Variants in PPP1R14C observed in about 807,000 individuals in gnomAD.
PPP1R14C encodes protein phosphatase 1 regulatory subunit 14C.
Under a neutral mutation model 20.4 loss-of-function variants are expected in PPP1R14C, and 16 were observed. That is an observed-to-expected ratio of 0.78 (90% CI 0.53 to 1.19). The LOEUF (loss-of-function observed/expected upper bound fraction) is 1.19, where lower values mean the gene tolerates loss of function less well. PPP1R14C is among the 50% of genes most tolerant of loss of function. The pLI is 0.00. For synonymous variants in PPP1R14C, 91 were observed against 91.0 expected, an observed-to-expected ratio of 1.00 and a Z score of 0.00; for missense variants, 211 against 220.1, an observed-to-expected ratio of 0.96 and a Z score of 0.26.
Position 150,249,427 on chromosome 6 carries a change from G to T in PPP1R14C, c.*607G>T, listed in dbSNP as rs1778535054. On this transcript the variant is annotated 3_prime_UTR_variant, in exon 4 of 4. Transcript: ENST00000361131. ...GTTCACTTTATGCACCAAAGTGAAA[G>T]AATTCAGTGTATCCGTTATTTTAAT... The T allele has an allele frequency of 7.5e-6, 3 of 398,684 alleles. No homozygotes were observed. Among genetic ancestry groups the T allele is most frequent in the Non-Finnish European group, 1.3e-5 (3 of 226,062 alleles). The allele number at this position is 398,684 out of a possible 1,614,324, so 24.7% of individuals were successfully genotyped here. A position where few individuals can be genotyped will look rare whatever the true frequency, so the allele number is the denominator to read the frequency against.
intron 2 of PPP1R14C, among the ~76,000 whole-genome samples, chr6:150,215,479 A>ATGTCCACTGATAATTAC (rs1300581103): frequency 6.6e-5 from 10 of 152,192 alleles, no homozygotes; most frequent in Admixed American, 5.9e-4. Flanking sequence ...ATTGTTCTTA[A>ATGTCCACTGATAATTAC]TGTCCACTGA....
chr6:150,175,127 A>G (rs1480583538), intron 1 of PPP1R14C, among the ~76,000 whole-genome samples: 1 of 152,218 alleles, frequency 6.6e-6, no homozygotes, highest in Non-Finnish European at 1.5e-5. Flanking sequence ...AGTAGCTCAC[A>G]TAGTGCTTAT....
intron 1 of PPP1R14C, among the ~76,000 whole-genome samples, chr6:150,163,608 T>C (rs577919201): frequency 6.6e-6 from 1 of 152,302 alleles, no homozygotes; most frequent in Non-Finnish European, 1.5e-5. Context: ...TGATTAATTT[T>C]ACCTTCTTAA....
chr6:150,196,952 A>G (rs1777812097), intron 1 of PPP1R14C, among the ~76,000 whole-genome samples: 1 of 152,342 alleles, frequency 6.6e-6, no homozygotes, highest in Middle Eastern at 3.4e-3. Flanking sequence ...ATCAGTGCCA[A>G]TGGCATTTGC....
chr6:150,144,799 T>G (rs920137492), intron 1 of PPP1R14C, among the ~76,000 whole-genome samples: 3 of 152,218 alleles, frequency 2.0e-5, no homozygotes. Flanking sequence ...GTTTCTCCAG[T>G]CCAGCTCTTA....
intron 3 of PPP1R14C, among the ~76,000 whole-genome samples, chr6:150,247,288 T>A (rs1778503769): frequency 6.6e-6 from 1 of 152,228 alleles, no homozygotes; most frequent in Admixed American, 6.5e-5. Flanking sequence ...TGTCACTTAC[T>A]GACTGTCGCT....
intron 1 of PPP1R14C, among the ~76,000 whole-genome samples, chr6:150,192,965 G>T (rs1562265784): frequency 6.6e-6 from 1 of 152,180 alleles, no homozygotes; most frequent in African/African-American, 2.4e-5. Flanking sequence ...TCACACATTT[G>T]GCTGACCTTT....
intron 1 of PPP1R14C, among the ~76,000 whole-genome samples, chr6:150,158,618 A>G (rs551853181): frequency 6.6e-6 from 1 of 152,200 alleles, no homozygotes; most frequent in Non-Finnish European, 1.5e-5. Flanking sequence ...GCTTTTTAGT[A>G]TCATTATGGG....
At position 150,143,350 on chromosome 6, in the gene PPP1R14C, C is replaced by T; in HGVS notation, c.158C>T (p.Ala53Val). 1.9e-6 allele frequency: 3 copies of T among 1,603,754 alleles called. No homozygotes were observed. The highest frequency in any genetic ancestry group is 1.7e-6 in the Non-Finnish European group (2 of 1,176,566). ...GAGGACTCGGCGCCCGTGGCCACGG[C>T]GGCCGCTGCAGGGCAGGTTCAGCAG... Reference protein sequence around the residue: ...SREDSAPVATAAAAGQVQQQQ... With the variant: ...SREDSAPVATVAAAGQVQQQQ... Residue 53 changes from alanine (A) to valine (V), a missense_variant, in exon 1 of 4, where the codon GCG becomes GTG. Transcript: ENST00000361131. The surrounding 1 kb of genome is among the most constrained non-coding windows in gnomAD (Gnocchi z 5.6).
intron 1 of PPP1R14C, among the ~76,000 whole-genome samples, chr6:150,176,343 C>T (rs1339540179): frequency 6.6e-6 from 1 of 152,206 alleles, no homozygotes; most frequent in African/African-American, 2.4e-5. Context: ...GGCGGGGTGC[C>T]CGTGGTACAA....
chr6:150,235,409 T>C (rs998655340), intron 3 of PPP1R14C, among the ~76,000 whole-genome samples: 8 of 152,216 alleles, frequency 5.3e-5, no homozygotes, highest in Non-Finnish European at 8.8e-5. Flanking sequence ...GTGCTGCATC[T>C]TGATAGTCAT....
At chr6:150,239,834 C>G (rs543956141) in intron 3 of PPP1R14C, among the ~76,000 whole-genome samples, 19 of 152,304 alleles carry the variant, frequency 1.2e-4, no homozygotes, top group African/African-American at 4.6e-4. Flanking sequence ...GGGTGGATCA[C>G]TTGGGGTCAG....
chr6:150,224,608 G>A (rs1778208196), intron 3 of PPP1R14C, among the ~76,000 whole-genome samples: 1 of 98,542 alleles, frequency 1.0e-5, no homozygotes, highest in South Asian at 2.9e-4. Context: ...TTCATCTCTA[G>A]CATTTCTCTT....
chr6:150,248,908 C>A lies in PPP1R14C; in HGVS notation c.*88C>A. ...AAGACTTTTGTGAAAGAATAGGTGTCCTTATGAACAACGTTTTTGTTTTTT... is the reference window on the plus strand; with the variant it reads ...AAGACTTTTGTGAAAGAATAGGTGTACTTATGAACAACGTTTTTGTTTTTT... On this transcript the variant is annotated 3_prime_UTR_variant, in exon 4 of 4. Transcript: ENST00000361131. 1.4e-6 allele frequency: 1 copy of A among 729,668 alleles called. No individual in the cohort carries two copies. The highest frequency in any genetic ancestry group is 2.2e-6 in the Non-Finnish European group (1 of 454,156). 45.2% of individuals were successfully genotyped at this position (729,668 alleles called of 1,614,324 possible). A position where few individuals can be genotyped will look rare whatever the true frequency, so the allele number is the denominator to read the frequency against.
chr6:150,194,358 C>A, intron 1 of PPP1R14C: 1 of 675,598 alleles, frequency 1.5e-6, no homozygotes, highest in Non-Finnish European at 1.8e-6. Context: ...GATTTGGACA[C>A]AGCTTGAGCC....
intron 3 of PPP1R14C, among the ~76,000 whole-genome samples, chr6:150,235,386 A>G (rs555866231): frequency 6.6e-6 from 1 of 152,346 alleles, no homozygotes; most frequent in East Asian, 1.9e-4. Flanking sequence ...CACTACACCC[A>G]GCTGACGGAA....
intron 3 of PPP1R14C, among the ~76,000 whole-genome samples, chr6:150,224,857 C>T (rs1454848124): frequency 6.6e-6 from 1 of 152,060 alleles, no homozygotes; most frequent in African/African-American, 2.4e-5. Flanking sequence ...GTAAAAGGAA[C>T]TGCTGTAAAT....
At chr6:150,146,126 A>T (rs1434889251) in intron 1 of PPP1R14C, among the ~76,000 whole-genome samples, 2 of 152,218 alleles carry the variant, frequency 1.3e-5, no homozygotes, top group Non-Finnish European at 2.9e-5. Context: ...TCTTCTAGGT[A>T]CTTTGGGCTA....
intron 1 of PPP1R14C, among the ~76,000 whole-genome samples, chr6:150,188,775 T>C (rs6927415): frequency 0.62 from 94,186 of 151,564 alleles, 30,711 homozygotes; most frequent in African/African-American, 0.83. Flanking sequence ...TGTGAGCCAC[T>C]GCGCCTGGCT....
Sources: gnomAD v4.1 joint callset for allele counts (sites outside exome capture counted in the v4.1 genomes callset) on GRCh38, gnomAD v4.1.1 for gene constraint, Gnocchi (gnomAD v3.1) non-coding constraint, MANE v1.5 for transcripts, NCBI Gene and HGNC (gene_info 2026-07-23, HGNC 2026-07-21) for gene names.